ZBTB20: variants seen among roughly 807,000 people sequenced by gnomAD.
ZBTB20 encodes the protein zinc finger and BTB domain-containing protein 20.
A neutral mutation model predicts 56.9 loss-of-function variants in ZBTB20; 9 were observed. That is an observed-to-expected ratio of 0.16 (90% CI 0.10 to 0.28). The LOEUF (loss-of-function observed/expected upper bound fraction) is 0.28, where lower values mean the gene tolerates loss of function less well. Among genes scored for constraint, ZBTB20 ranks in the 10% least tolerant of loss-of-function variants. The probability of loss-of-function intolerance (pLI) is 1.00; values close to 1 mark genes in which losing one functional copy is unlikely to be tolerated. For missense variants in ZBTB20, 655 were observed against 1,003.0 expected (o/e 0.65, Z 4.69); for synonymous variants, 417 against 420.7 (o/e 0.99, Z 0.11).
intron 5 of ZBTB20, among the ~76,000 whole-genome samples, chr3:114,736,514 C>T (rs868051981): frequency 2.6e-5 from 4 of 152,060 alleles, no homozygotes; most frequent in Non-Finnish European, 5.9e-5. Flanking sequence ...GGATTGTAGG[C>T]GTTCATTTTG....
intron 2 of ZBTB20, among the ~76,000 whole-genome samples, chr3:114,984,828 CAT>C: frequency 6.6e-6 from 1 of 152,134 alleles, no homozygotes; most frequent in African/African-American, 2.4e-5. Context: ...CAGAAACAAA[CAT>C]ACACTCACAC....
chr3:114,535,195 T>C (rs1222280970), intron 6 of ZBTB20, among the ~76,000 whole-genome samples: 1 of 152,002 alleles, frequency 6.6e-6, no homozygotes, highest in African/African-American at 2.4e-5. Context: ...AATTGATGAA[T>C]CTAGGAGCTG....
At chr3:114,375,783 T>C (rs1013498612) in intron 10 of ZBTB20, 2 of 152,148 alleles carry the variant, frequency 1.3e-5, no homozygotes, top group African/African-American at 4.8e-5. Flanking sequence ...CATTTTGTTT[T>C]CCCCCTACAG....
chr3:114,686,137 C>A (rs2062329054), intron 6 of ZBTB20, among the ~76,000 whole-genome samples: 1 of 152,096 alleles, frequency 6.6e-6, no homozygotes, highest in Non-Finnish European at 1.5e-5. Context: ...ATGGTATATG[C>A]AATTGATATG....
intron 3 of ZBTB20, among the ~76,000 whole-genome samples, chr3:114,928,043 G>A (rs569737877): frequency 3.4e-4 from 52 of 152,206 alleles, no homozygotes; most frequent in Non-Finnish European, 5.4e-4. Context: ...ATGAGACTTT[G>A]GACAGGTCCC....
intron 2 of ZBTB20, among the ~76,000 whole-genome samples, chr3:115,003,028 A>C (rs2079315053): frequency 6.6e-6 from 1 of 151,656 alleles, no homozygotes; most frequent in African/African-American, 2.4e-5. Flanking sequence ...CCTTAAGTGC[A>C]TACTGCTAAA....
At chr3:114,345,283 G>C (rs1246948468) in intron 11 of ZBTB20, among the ~76,000 whole-genome samples, 1 of 151,940 alleles carries the variant, frequency 6.6e-6, no homozygotes, top group Non-Finnish European at 1.5e-5. Context: ...GTATGTCTCT[G>C]TGTGTGTGTG....
intron 3 of ZBTB20, among the ~76,000 whole-genome samples, chr3:114,916,265 T>C (rs2075740437): frequency 6.6e-6 from 1 of 152,124 alleles, no homozygotes; most frequent in Non-Finnish European, 1.5e-5. Context: ...ACAGTTGTTA[T>C]ATCCTCTTGC....
intron 6 of ZBTB20, among the ~76,000 whole-genome samples, chr3:114,572,096 C>G (rs1018960671): frequency 4.6e-5 from 7 of 152,148 alleles, no homozygotes; most frequent in African/African-American, 1.2e-4. Flanking sequence ...GATTACTATT[C>G]TCATCTTTCA....
intron 1 of ZBTB20, among the ~76,000 whole-genome samples, chr3:115,089,921 G>A (rs914278972): frequency 2.6e-5 from 4 of 151,782 alleles, no homozygotes; most frequent in Non-Finnish European, 5.9e-5. Context: ...GTAAGATTAT[G>A]TTTAGTTAAG....
chr3:114,732,938 T>C (rs1203204704), intron 5 of ZBTB20, among the ~76,000 whole-genome samples: 1 of 152,078 alleles, frequency 6.6e-6, no homozygotes, highest in East Asian at 1.9e-4. Flanking sequence ...CATGAGCATA[T>C]GGGGAGGGCA....
intron 5 of ZBTB20, among the ~76,000 whole-genome samples, chr3:114,782,817 G>C (rs1445537215): frequency 6.6e-6 from 1 of 152,162 alleles, no homozygotes; most frequent in East Asian, 1.9e-4. Context: ...TATCCTTAAT[G>C]TAGAAACTGG....
At chr3:114,551,481 G>A (rs1280956491) in intron 6 of ZBTB20, among the ~76,000 whole-genome samples, 1 of 152,154 alleles carries the variant, frequency 6.6e-6, no homozygotes, top group African/African-American at 2.4e-5. Context: ...TCGTTGCATG[G>A]GAGAGCTAAA....
At chr3:114,640,719 T>C in intron 6 of ZBTB20, among the ~76,000 whole-genome samples, 1 of 152,072 alleles carries the variant, frequency 6.6e-6, no homozygotes, top group South Asian at 2.1e-4. Context: ...AATCATTCTA[T>C]TTAGGACAAA....
intron 5 of ZBTB20, among the ~76,000 whole-genome samples, chr3:114,788,594 C>T (rs1418927420): frequency 6.6e-6 from 1 of 152,126 alleles, no homozygotes; most frequent in African/African-American, 2.4e-5. Flanking sequence ...TTTTGGCTAT[C>T]AACTGTGCAT....
At chr3:114,615,462 G>C (rs1444592886) in intron 6 of ZBTB20, among the ~76,000 whole-genome samples, 1 of 152,198 alleles carries the variant, frequency 6.6e-6, no homozygotes, top group African/African-American at 2.4e-5. Context: ...AGGATGTATA[G>C]GCTGTTAACC....
chr3:114,347,287 T>TTA (rs1421005684), intron 11 of ZBTB20, among the ~76,000 whole-genome samples: 1 of 152,044 alleles, frequency 6.6e-6, no homozygotes, highest in African/African-American at 2.4e-5. Context: ...GCTAAGACAG[T>TTA]TACTCTGCAG....
chr3:114,723,071 G>A (rs899020767), intron 5 of ZBTB20, among the ~76,000 whole-genome samples: 1 of 152,134 alleles, frequency 6.6e-6, no homozygotes, highest in Non-Finnish European at 1.5e-5. Flanking sequence ...GAATCTGGCT[G>A]ACTGGTGTCC....
intron 6 of ZBTB20, among the ~76,000 whole-genome samples, chr3:114,514,162 G>T (rs1249290364): frequency 6.6e-6 from 1 of 151,866 alleles, no homozygotes; most frequent in Non-Finnish European, 1.5e-5. Context: ...GAAAACAAAA[G>T]GAAAAAAATA....
Sources: gnomAD v4.1 joint callset for allele counts (sites outside exome capture counted in the v4.1 genomes callset) on GRCh38, gnomAD v4.1.1 for gene constraint, MANE v1.5 for transcripts, NCBI Gene and HGNC (gene_info 2026-07-23, HGNC 2026-07-21) for gene names.